Variants in NYAP2 observed in about 807,000 individuals in gnomAD.
The protein encoded by NYAP2 is neuronal tyrosine-phosphorylated phosphoinositide-3-kinase adaptor 2, also known as neuronal tyrosine-phosphorylated phosphoinositide-3-kinase adapter 2.
Under a neutral mutation model 50.4 loss-of-function variants are expected in NYAP2, and 23 were observed. The observed-to-expected ratio is 0.46, with a 90% CI of 0.33 to 0.65. The LOEUF (loss-of-function observed/expected upper bound fraction) is 0.65, where lower values mean the gene tolerates loss of function less well. NYAP2 is among the 30% of genes least tolerant of loss of function. The pLI, the probability that NYAP2 is intolerant of heterozygous loss-of-function variation, is 0.02. For synonymous variants in NYAP2, 394 were observed against 365.2 expected (o/e 1.08, Z -0.90); for missense variants, 885 against 861.0 (o/e 1.03, Z -0.35).
chr2:225,641,593 T>A (rs1693535830), intron 6 of NYAP2, among the ~76,000 whole-genome samples: 1 of 151,950 alleles, frequency 6.6e-6, no homozygotes, highest in South Asian at 2.1e-4. Context: ...GGTGGGTGGA[T>A]CACGATGTCA....
chr2:225,639,906 A>T (rs1484081424), intron 6 of NYAP2, among the ~76,000 whole-genome samples: 1 of 152,186 alleles, frequency 6.6e-6, no homozygotes, highest in Non-Finnish European at 1.5e-5. Context: ...ATCAAGGAAG[A>T]GGACGTAGTA....
chr2:225,606,264 C>A (rs1009881609), intron 5 of NYAP2, among the ~76,000 whole-genome samples: 2 of 152,046 alleles, frequency 1.3e-5, no homozygotes, highest in African/African-American at 4.8e-5. Flanking sequence ...GACTGGGACT[C>A]CCCAGATCAA....
the NYAP2 span, among the ~76,000 whole-genome samples, chr2:225,687,424 G>GAAC: frequency 3.9e-5 from 6 of 152,056 alleles, no homozygotes; most frequent in African/African-American, 1.4e-4. Flanking sequence ...ATTTATCTTA[G>GAAC]AACTTTTATG....
intron 4 of NYAP2, among the ~76,000 whole-genome samples, chr2:225,521,795 A>T (rs2106191544): frequency 6.6e-6 from 1 of 152,156 alleles, no homozygotes; most frequent in South Asian, 2.1e-4. Context: ...TCATAAAATG[A>T]GTTACGGAGG....
At chr2:225,446,609 C>A (rs1473630643) in intron 3 of NYAP2, among the ~76,000 whole-genome samples, 1 of 151,982 alleles carries the variant, frequency 6.6e-6, no homozygotes, top group Non-Finnish European at 1.5e-5. Flanking sequence ...AATTGCAAGA[C>A]CCCATACTGT....
At chr2:225,559,889 C>A (rs1034164288) in intron 4 of NYAP2, among the ~76,000 whole-genome samples, 1 of 151,832 alleles carries the variant, frequency 6.6e-6, no homozygotes, top group African/African-American at 2.4e-5. Context: ...ATATTTTGCC[C>A]CTTTCCCAAG....
intron 5 of NYAP2, among the ~76,000 whole-genome samples, chr2:225,599,215 A>G (rs1293229097): frequency 6.6e-6 from 1 of 152,186 alleles, no homozygotes; most frequent in Non-Finnish European, 1.5e-5. Context: ...CTGCACATGT[A>G]ATGGTTTCCA....
chr2:225,499,167 G>T (rs1018766954), intron 3 of NYAP2, among the ~76,000 whole-genome samples: 1 of 152,146 alleles, frequency 6.6e-6, no homozygotes, highest in African/African-American at 2.4e-5. Context: ...AAATGTAAAA[G>T]CAGGAGAGGA....
intron 3 of NYAP2, among the ~76,000 whole-genome samples, chr2:225,430,005 A>G (rs1374658949): frequency 1.3e-5 from 2 of 152,200 alleles, no homozygotes; most frequent in Non-Finnish European, 2.9e-5. Context: ...AAAATGTGTC[A>G]GCGTAAACTG....
At chr2:225,679,233 T>C in the NYAP2 span, among the ~76,000 whole-genome samples, 2 of 152,038 alleles carry the variant, frequency 1.3e-5, no homozygotes, top group Non-Finnish European at 2.9e-5. Flanking sequence ...AAAGAAAATA[T>C]TAATAACACT....
chr2:225,541,422 A>T (rs539416292), intron 4 of NYAP2, among the ~76,000 whole-genome samples: 112 of 152,226 alleles, frequency 7.4e-4, no homozygotes, highest in Non-Finnish European at 1.3e-3. Context: ...TCATGATTTG[A>T]GGTCTTAGAT....
At chr2:225,694,725 T>C in the NYAP2 span, among the ~76,000 whole-genome samples, 1 of 151,906 alleles carries the variant, frequency 6.6e-6, no homozygotes, top group Non-Finnish European at 1.5e-5. Context: ...AAGAAGATTA[T>C]ATACTAGAAT....
intron 4 of NYAP2, among the ~76,000 whole-genome samples, chr2:225,559,349 C>A (rs1255613864): frequency 4.1e-5 from 6 of 145,776 alleles, no homozygotes; most frequent in African/African-American, 1.0e-4. Context: ...GTACAAATGC[C>A]AAAAAAAAAA....
chr2:225,453,723 A>G (rs1317370369), intron 3 of NYAP2, among the ~76,000 whole-genome samples: 1 of 151,826 alleles, frequency 6.6e-6, no homozygotes, highest in African/African-American at 2.4e-5. Flanking sequence ...GCTGGAGTGC[A>G]GTGGTGTGAT....
Position 225,582,429 on chromosome 2 carries a change from G to A in NYAP2, c.1012G>A (p.Val338Ile). 1 of 1,589,834 alleles carries A rather than the reference G, an allele frequency of 6.3e-7. No homozygotes were observed. Among genetic ancestry groups the A allele is most frequent in the Non-Finnish European group, 8.6e-7 (1 of 1,164,692 alleles). ...GCTTTCTCACAGACCCCCGCTGCTG[G>A]TATTTCCCCCCGCCCCCGTGCATTG... The change falls in exon 5 of 7, where the codon GTA becomes ATA. Residue 338 changes from valine to isoleucine, a missense_variant. Coordinates refer to ENST00000636099, the Ensembl canonical transcript of NYAP2. The surrounding 1 kb of genome is among the most constrained non-coding windows in gnomAD (Gnocchi z 7.0).
At chr2:225,435,467 G>A (rs143314389) in intron 3 of NYAP2, among the ~76,000 whole-genome samples, 1 of 152,252 alleles carries the variant, frequency 6.6e-6, no homozygotes, top group South Asian at 2.1e-4. Context: ...CAAAGTGGAG[G>A]TTAAATTGGC....
At chr2:225,533,837 C>T (rs981371333) in intron 4 of NYAP2, among the ~76,000 whole-genome samples, 1 of 151,942 alleles carries the variant, frequency 6.6e-6, no homozygotes. Context: ...TAATTTTTTC[C>T]CTAACTATGT....
chr2:225,578,133 A>G (rs899148757), intron 4 of NYAP2, among the ~76,000 whole-genome samples: 8 of 151,924 alleles, frequency 5.3e-5, no homozygotes, highest in Admixed American at 1.3e-4. Context: ...GGGTTTCACC[A>G]TGTTGGCCAG....
chr2:225,660,462 C>A, the NYAP2 span, among the ~76,000 whole-genome samples: 1 of 84,400 alleles, frequency 1.2e-5, no homozygotes, highest in South Asian at 4.5e-4. Context: ...TTTTTTTTGC[C>A]AACCTCAGCA....
Sources: gnomAD v4.1 joint callset for allele counts (sites outside exome capture counted in the v4.1 genomes callset) on GRCh38, gnomAD v4.1.1 for gene constraint, Gnocchi (gnomAD v3.1) non-coding constraint, MANE v1.5 for transcripts, NCBI Gene and HGNC (gene_info 2026-07-23, HGNC 2026-07-21) for gene names.